The following DIP2C variants were observed in gnomAD, a reference collection of about 807,000 sequenced individuals.
DIP2C encodes DIP2 acetate--CoA ligase C (putative).
A neutral mutation model predicts 192.4 loss-of-function variants in DIP2C; 33 were observed. That is an observed-to-expected ratio of 0.17 (90% CI 0.13 to 0.23). The LOEUF is 0.23. Ranked by LOEUF, DIP2C falls within the 10% of genes least tolerant of loss-of-function variation. The pLI, the probability that DIP2C is intolerant of heterozygous loss-of-function variation, is 1.00. For missense variants in DIP2C, 1,537 were observed against 2,110.1 expected, an observed-to-expected ratio of 0.73 and a Z score of 5.32; for synonymous variants, 979 against 864.1, an observed-to-expected ratio of 1.13 and a Z score of -2.33.
chr10:326,882 A>C, intron 31 of DIP2C, 124 bp downstream of exon 31: 1 of 1,186,180 alleles, frequency 8.4e-7, no homozygotes, highest in Non-Finnish European at 1.2e-6. Flanking sequence ...CATGCGTGTG[A>C]CTGAAAGATC....
At chr10:601,982 GTGTT>G (rs1370117214) in intron 1 of DIP2C, among the ~76,000 whole-genome samples, 3 of 151,680 alleles carry the variant, frequency 2.0e-5, no homozygotes, top group Non-Finnish European at 2.9e-5. Flanking sequence ...CAGAGAATGG[GTGTT>G]TGAAGTCCTG....
intron 1 of DIP2C, among the ~76,000 whole-genome samples, chr10:602,345 C>T (rs529853547): frequency 6.6e-6 from 1 of 152,328 alleles, no homozygotes; most frequent in African/African-American, 2.4e-5. Context: ...GGCTCTGTGG[C>T]AGTAATGATA....
intron 1 of DIP2C, among the ~76,000 whole-genome samples, chr10:559,942 A>T (rs11253192): frequency 0.047 from 7,142 of 151,808 alleles, 221 homozygotes; most frequent in East Asian, 0.078. Flanking sequence ...CCCCTTGATG[A>T]ACTCATTGCT....
At chr10:491,807 C>T (rs572639338) in intron 1 of DIP2C, among the ~76,000 whole-genome samples, 112 of 152,320 alleles carry the variant, frequency 7.4e-4, no homozygotes, top group Non-Finnish European at 9.4e-4. Context: ...TCATGAGAGA[C>T]GTCCAAGTTG....
intron 4 of DIP2C, among the ~76,000 whole-genome samples, chr10:436,831 C>G (rs1327505275): frequency 6.9e-6 from 1 of 145,854 alleles, no homozygotes; most frequent in Non-Finnish European, 1.5e-5. Context: ...TATGCTCCAC[C>G]CACACCTGAG....
intron 32 of DIP2C, among the ~76,000 whole-genome samples, chr10:293,893 G>A (rs116702908): frequency 0.018 from 2,739 of 152,258 alleles, 69 homozygotes; most frequent in African/African-American, 0.063. Flanking sequence ...ACCACAAAAG[G>A]CTAAGGGGAA....
intron 18 of DIP2C, among the ~76,000 whole-genome samples, chr10:366,925 A>G (rs192033447): frequency 5.8e-4 from 89 of 152,298 alleles, no homozygotes; most frequent in African/African-American, 2.1e-3. Flanking sequence ...CAACACTTTC[A>G]TGCTTTGCCC....
At chr10:398,241 C>T (rs1004051205) in intron 10 of DIP2C, among the ~76,000 whole-genome samples, 2 of 152,126 alleles carry the variant, frequency 1.3e-5, no homozygotes, top group African/African-American at 4.8e-5. Flanking sequence ...TACACCTATT[C>T]TCTCTGAAGC....
At chr10:491,504 G>A (rs764648248) in intron 1 of DIP2C, among the ~76,000 whole-genome samples, 10 of 152,154 alleles carry the variant, frequency 6.6e-5, no homozygotes, top group African/African-American at 1.2e-4. Flanking sequence ...GCTGCAGACC[G>A]GTGACAGCTC....
chr10:472,950 T>C (rs1298483600), intron 2 of DIP2C, among the ~76,000 whole-genome samples: 10 of 152,202 alleles, frequency 6.6e-5, no homozygotes, highest in Admixed American at 6.5e-4. Flanking sequence ...AATTTAAAAG[T>C]ATATTTGTTA....
At chr10:510,924 C>T (rs1257206532) in intron 1 of DIP2C, among the ~76,000 whole-genome samples, 1 of 152,200 alleles carries the variant, frequency 6.6e-6, no homozygotes, top group Non-Finnish European at 1.5e-5. Flanking sequence ...TACGGGGGCA[C>T]AAACATGTCA....
intron 1 of DIP2C, among the ~76,000 whole-genome samples, chr10:671,293 A>G (rs1830620545): frequency 6.6e-6 from 1 of 152,222 alleles, no homozygotes; most frequent in African/African-American, 2.4e-5. Context: ...AGACAGAGGA[A>G]ACACCACAGA....
Position 651,372 on chromosome 10 carries a change from A to G in DIP2C, c.85+38122T>C. 1.4e-6 allele frequency: 1 copy of G among 701,800 alleles called. No homozygotes were observed. The highest frequency in any genetic ancestry group is 2.6e-6 in the Non-Finnish European group (1 of 384,640). 43.5% of individuals were successfully genotyped at this position (701,800 alleles called of 1,614,324 possible). A position where few individuals can be genotyped will look rare whatever the true frequency, so the allele number is the denominator to read the frequency against. The stretch of plus-strand genomic sequence containing the variant: ...ATCCCCAGCACTGTGCTCAGGTCCC[A>G]GGGAGGCCCCAGCAAACTGTGGAAC... On this transcript the variant is annotated intron_variant, in intron 1 of 36. Coordinates refer to ENST00000280886, the MANE Select transcript of DIP2C (RefSeq NM_014974.3). The surrounding 1 kb of genome is among the most constrained non-coding windows in gnomAD (Gnocchi z 4.1).
chr10:414,367 C>G (rs1481666573), intron 7 of DIP2C, among the ~76,000 whole-genome samples: 13 of 152,132 alleles, frequency 8.5e-5, no homozygotes, highest in Non-Finnish European at 1.2e-4. Flanking sequence ...AAACTGATAA[C>G]AGGTGGAAAC....
At chr10:557,352 G>A (rs889199212) in intron 1 of DIP2C, among the ~76,000 whole-genome samples, 2 of 152,090 alleles carry the variant, frequency 1.3e-5, no homozygotes, top group African/African-American at 2.4e-5. Context: ...CAGCAGAGCT[G>A]CCCTAAATTT....
At chr10:378,733 G>A (rs952351990) in intron 17 of DIP2C, among the ~76,000 whole-genome samples, 3 of 151,290 alleles carry the variant, frequency 2.0e-5, no homozygotes, top group Non-Finnish European at 2.9e-5. Context: ...GAACAGACAT[G>A]CATAAAGACA....
chr10:566,384 G>A (rs1398722638), intron 1 of DIP2C, among the ~76,000 whole-genome samples: 1 of 152,202 alleles, frequency 6.6e-6, no homozygotes, highest in Non-Finnish European at 1.5e-5. Flanking sequence ...CGGTTCACCT[G>A]GTGCATGAGC....
At chr10:548,214 C>G (rs998725314) in intron 1 of DIP2C, among the ~76,000 whole-genome samples, 1 of 122,970 alleles carries the variant, frequency 8.1e-6, no homozygotes, top group African/African-American at 2.9e-5. Flanking sequence ...CCCCACCCCC[C>G]CCCCCACAGG....
rs1004467906 is a variant in DIP2C at position 326,876 on chromosome 10, C to T, written c.3924+130G>A. 4.2e-5 allele frequency: 46 copies of T among 1,103,362 alleles called. No individual in the cohort carries two copies. The Middle Eastern group carries it at 1.7e-3, about 41-fold the overall frequency. 68.3% of individuals were successfully genotyped at this position (1,103,362 alleles called of 1,614,324 possible). ...AACAGAGATCTGCACCAACCGCATG[C>T]GTGTGACTGAAAGATCTCTTCTGGA... On this transcript the variant is annotated intron_variant, in intron 31 of 36. Transcript: ENST00000280886.
Sources: allele counts gnomAD v4.1 joint callset (sites outside exome capture counted in the v4.1 genomes callset), GRCh38; gene constraint gnomAD v4.1.1; non-coding constraint Gnocchi (gnomAD v3.1); transcripts MANE v1.5; gene names NCBI Gene and HGNC (gene_info 2026-07-23, HGNC 2026-07-21).